The following CAMKMT variants were observed in gnomAD, a reference collection of about 807,000 sequenced individuals.
The protein encoded by CAMKMT is calmodulin-lysine N-methyltransferase.
In CAMKMT, 53 loss-of-function variants were observed where a neutral mutation model predicts 48.0. That is an observed-to-expected ratio of 1.10 (90% CI 0.89 to 1.39). The LOEUF (loss-of-function observed/expected upper bound fraction) is 1.39. CAMKMT is among the 40% of genes most tolerant of loss of function. CAMKMT has a pLI of 0.00. For synonymous variants in CAMKMT, 165 were observed against 152.3 expected (o/e 1.08, Z -0.61); for missense variants, 428 against 402.7 (o/e 1.06, Z -0.54).
intron 3 of CAMKMT, among the ~76,000 whole-genome samples, chr2:44,660,923 A>G (rs1344387972): frequency 1.3e-5 from 2 of 152,206 alleles, no homozygotes; most frequent in Non-Finnish European, 2.9e-5. Flanking sequence ...TACTAGCAAT[A>G]TATGGCATCA....
At chr2:44,369,596 A>G (rs115650157) in intron 1 of CAMKMT, 1 of 152,318 alleles carries the variant, frequency 6.6e-6, no homozygotes, top group African/African-American at 2.4e-5. Context: ...TACCTCTACC[A>G]CAATAAAGAA....
chr2:44,693,901 T>G (rs1676793887), intron 3 of CAMKMT, among the ~76,000 whole-genome samples: 2 of 152,226 alleles, frequency 1.3e-5, no homozygotes, highest in Admixed American at 1.3e-4. Context: ...GGCCTTTTTT[T>G]ACTGACTCCT....
chr2:44,768,686 A>ACG (rs1249111931), intron 10 of CAMKMT, among the ~76,000 whole-genome samples: 3 of 152,022 alleles, frequency 2.0e-5, no homozygotes, highest in Admixed American at 2.0e-4. Context: ...GGGCTCCGGG[A>ACG]CGCGGCCGCC....
intron 3 of CAMKMT, among the ~76,000 whole-genome samples, chr2:44,666,612 C>CTTTTTTTTTTTTTTTTTTTTTT (rs1293884982): frequency 1.5e-5 from 2 of 133,968 alleles, no homozygotes; most frequent in African/African-American, 5.9e-5. Flanking sequence ...CTCCTGGAAT[C>CTTTTTTTTTTTTTTTTTTTTTT]TTTTTTTTTT....
chr2:44,521,048 T>C (rs756945624), intron 3 of CAMKMT, among the ~76,000 whole-genome samples: 30 of 152,202 alleles, frequency 2.0e-4, no homozygotes, highest in Non-Finnish European at 2.1e-4. Flanking sequence ...ACTAATACAC[T>C]CTGTAAACTT....
intron 3 of CAMKMT, among the ~76,000 whole-genome samples, chr2:44,410,247 ATTTTTTTTTTTT>A (rs1164693728): frequency 5.1e-5 from 1 of 19,468 alleles, no homozygotes; most frequent in Admixed American, 7.6e-4. Flanking sequence ...ATATATATAT[ATTTTTTTTTTTT>A]TTTTTTTTTT....
chr2:44,585,060 A>C lies in CAMKMT; in HGVS notation c.377-119223A>C, dbSNP rs528627028. Among the ~76,000 whole-genome samples, 13 of 152,220 alleles carry C rather than the reference A, an allele frequency of 8.5e-5. No homozygotes were observed. The South Asian group carries it at 2.7e-3, about 32-fold the overall frequency. The stretch of plus-strand genomic sequence containing the variant: ...ACAGAGCGAGACTCCGTCTGAAAAA[A>C]AAAAAAATGTAAAAAGGCTTGTTGA... On this transcript the variant is annotated intron_variant, in intron 3 of 10. Coordinates refer to ENST00000378494, the MANE Select transcript of CAMKMT (RefSeq NM_024766.5).
chr2:44,523,892 C>T (rs534724448), intron 3 of CAMKMT, among the ~76,000 whole-genome samples: 6 of 151,380 alleles, frequency 4.0e-5, no homozygotes, highest in Admixed American at 1.3e-4. Flanking sequence ...ATTCTCCTGC[C>T]TCAGCCTCTT....
chr2:44,438,431 G>A (rs749923937), intron 3 of CAMKMT, among the ~76,000 whole-genome samples: 5 of 152,112 alleles, frequency 3.3e-5, no homozygotes, highest in Non-Finnish European at 7.4e-5. Context: ...CTTTGAGGAA[G>A]TTTTACTTGT....
intron 3 of CAMKMT, among the ~76,000 whole-genome samples, chr2:44,420,657 G>T (rs1683875717): frequency 6.6e-6 from 1 of 152,034 alleles, no homozygotes. Flanking sequence ...GCACCTCCCA[G>T]ACAATATCTG....
At chr2:44,390,350 A>G (rs1681210089) in intron 3 of CAMKMT, 45 bp downstream of exon 3, 2 of 1,382,540 alleles carry the variant, frequency 1.4e-6, no homozygotes, top group East Asian at 4.6e-5. Flanking sequence ...AGTGTTTTAC[A>G]AAGTGAATTT....
intron 7 of CAMKMT, among the ~76,000 whole-genome samples, chr2:44,727,431 T>C (rs1678850712): frequency 6.6e-6 from 1 of 152,186 alleles, no homozygotes; most frequent in African/African-American, 2.4e-5. Context: ...GGACATTGTG[T>C]AAAGAAATGC....
At chr2:44,376,067 T>C (rs1462558374) in intron 2 of CAMKMT, among the ~76,000 whole-genome samples, 2 of 150,328 alleles carry the variant, frequency 1.3e-5, no homozygotes, top group Non-Finnish European at 3.0e-5. Flanking sequence ...GGATTACAGG[T>C]GTGAGCCACC....
chr2:44,750,132 T>A lies in CAMKMT; in HGVS notation c.699-3923T>A, dbSNP rs145416422. On this transcript the variant is annotated intron_variant, in intron 8 of 10. Transcript: ENST00000378494. ...ATGGGTTAAGAGGTTTCAAAAGTAGTTTTGCTGTCACTGCTTTTTTTTTTT... is the reference window on the plus strand; with the variant it reads ...ATGGGTTAAGAGGTTTCAAAAGTAGATTTGCTGTCACTGCTTTTTTTTTTT... 1.3e-3 allele frequency among the ~76,000 whole-genome samples: 192 copies of A among 152,184 alleles called. 2 individuals are homozygous for A. The highest frequency in any genetic ancestry group is 4.5e-3 in the African/African-American group (187 of 41,516).
At chr2:44,731,610 A>C (rs1173672384) in intron 7 of CAMKMT, among the ~76,000 whole-genome samples, 1 of 152,216 alleles carries the variant, frequency 6.6e-6, no homozygotes, top group African/African-American at 2.4e-5. Context: ...AAATCCTATC[A>C]GAAATTGACT....
intron 3 of CAMKMT, among the ~76,000 whole-genome samples, chr2:44,498,305 G>C (rs376382099): frequency 1.1e-4 from 16 of 152,252 alleles, no homozygotes; most frequent in South Asian, 6.2e-4. Flanking sequence ...TTTTGGTGAT[G>C]ACCCATGTCA....
At chr2:44,387,827 G>A (rs1373693596) in intron 2 of CAMKMT, among the ~76,000 whole-genome samples, 1 of 151,996 alleles carries the variant, frequency 6.6e-6, no homozygotes, top group African/African-American at 2.4e-5. Context: ...CAAAATTCTT[G>A]GCTGACAATT....
intron 2 of CAMKMT, among the ~76,000 whole-genome samples, chr2:44,380,974 A>G (rs1484927801): frequency 6.6e-6 from 1 of 152,146 alleles, no homozygotes; most frequent in African/African-American, 2.4e-5. Context: ...AGCCTGGCCA[A>G]CATAGTGAAA....
At chr2:44,370,728 T>G (rs1558544134) in intron 1 of CAMKMT, among the ~76,000 whole-genome samples, 2 of 152,236 alleles carry the variant, frequency 1.3e-5, no homozygotes. Flanking sequence ...CTTTCTGTAT[T>G]TTTTTCTGTA....
Sources: gnomAD v4.1 joint callset for allele counts (sites outside exome capture counted in the v4.1 genomes callset) on GRCh38, gnomAD v4.1.1 for gene constraint, MANE v1.5 for transcripts, NCBI Gene and HGNC (gene_info 2026-07-23, HGNC 2026-07-21) for gene names.